Variants in TACR1 observed in about 807,000 individuals in gnomAD.
The protein encoded by TACR1 is tachykinin receptor 1, also known as substance-P receptor.
A neutral mutation model predicts 35.8 loss-of-function variants in TACR1; 25 were observed. The observed-to-expected ratio is 0.70, with a 90% confidence interval of 0.51 to 0.98. The LOEUF (loss-of-function observed/expected upper bound fraction) is 0.98. TACR1 is among the 50% of genes least tolerant of loss of function. TACR1 has a pLI of 0.00. For missense variants in TACR1, 478 were observed against 522.9 expected, an observed-to-expected ratio of 0.91 and a Z score of 0.84; for synonymous variants, 195 against 206.7, an observed-to-expected ratio of 0.94 and a Z score of 0.48.
At chr2:75,179,025 C>A (rs1675497292) in intron 1 of TACR1, among the ~76,000 whole-genome samples, 1 of 152,162 alleles carries the variant, frequency 6.6e-6, no homozygotes, top group South Asian at 2.1e-4. Context: ...CTCTCCTGAA[C>A]TCCAGGTTTA....
chr2:75,091,201 CAAAAAAAAAAAAAAA>C (rs1184236584), intron 2 of TACR1, among the ~76,000 whole-genome samples: 1 of 63,416 alleles, frequency 1.6e-5, no homozygotes, highest in African/African-American at 5.5e-5. Flanking sequence ...CTCGTAGGTG[CAAAAAAAAAAAAAAA>C]AAAAAAAAAA....
At chr2:75,072,275 G>A (rs1190843289) in intron 2 of TACR1, among the ~76,000 whole-genome samples, 2 of 152,176 alleles carry the variant, frequency 1.3e-5, no homozygotes, top group Non-Finnish European at 2.9e-5. Context: ...GGTCAAGGAT[G>A]CAGGACGGGA....
At chr2:75,190,347 C>T (rs142549810) in intron 1 of TACR1, among the ~76,000 whole-genome samples, 7 of 152,276 alleles carry the variant, frequency 4.6e-5, no homozygotes, top group Non-Finnish European at 1.0e-4. Context: ...AAATGATGGA[C>T]TACTGGTAGA....
At chr2:75,080,013 C>T (rs1484643850) in intron 2 of TACR1, among the ~76,000 whole-genome samples, 1 of 152,036 alleles carries the variant, frequency 6.6e-6, no homozygotes. Flanking sequence ...GTTGTTCTGT[C>T]CACAGATCAT....
At chr2:75,076,760 C>A (rs74374572) in intron 2 of TACR1, among the ~76,000 whole-genome samples, 1,834 of 152,252 alleles carry the variant, frequency 0.012, 39 homozygotes, top group African/African-American at 0.043. Flanking sequence ...TACATCTCTT[C>A]CTCATTTCTG....
At chr2:75,053,499 G>C in intron 3 of TACR1, 106 bp downstream of exon 3, 1 of 1,344,526 alleles carries the variant, frequency 7.4e-7, no homozygotes, top group South Asian at 1.9e-5. Context: ...CCCATACCTG[G>C]GGATATTTTG....
intron 2 of TACR1, among the ~76,000 whole-genome samples, chr2:75,101,772 A>T (rs1458869506): frequency 6.6e-6 from 1 of 152,022 alleles, no homozygotes; most frequent in East Asian, 1.9e-4. Flanking sequence ...ATATGGTGAA[A>T]CTTCATCTCT....
intron 1 of TACR1, chr2:75,188,042 C>T (rs897745127): frequency 2.6e-5 from 4 of 152,156 alleles, no homozygotes; most frequent in Non-Finnish European, 5.9e-5. Context: ...GAAGTTTTCT[C>T]TTTTATCTTC....
intron 2 of TACR1, among the ~76,000 whole-genome samples, chr2:75,109,411 C>G (rs911300065): frequency 6.6e-6 from 1 of 152,074 alleles, no homozygotes; most frequent in African/African-American, 2.4e-5. Flanking sequence ...TGAGTAGAGA[C>G]CCCTTTAACT....
intron 1 of TACR1, among the ~76,000 whole-genome samples, chr2:75,175,632 C>A (rs1675393378): frequency 6.6e-6 from 1 of 152,118 alleles, no homozygotes; most frequent in African/African-American, 2.4e-5. Context: ...TTTGACCCTC[C>A]CGCTGACTTT....
intron 1 of TACR1, among the ~76,000 whole-genome samples, chr2:75,123,157 C>T (rs1025123459): frequency 3.3e-5 from 5 of 151,632 alleles, no homozygotes; most frequent in African/African-American, 1.2e-4. Context: ...GATTATTTCC[C>T]AAATGCAGCG....
At chr2:75,158,822 C>G (rs1674930155) in intron 1 of TACR1, among the ~76,000 whole-genome samples, 1 of 152,112 alleles carries the variant, frequency 6.6e-6, no homozygotes, top group Non-Finnish European at 1.5e-5. Flanking sequence ...GGAGTTGGGC[C>G]TCTGTTCCGA....
At chr2:75,141,319 T>G (rs1028510624) in intron 1 of TACR1, among the ~76,000 whole-genome samples, 2 of 152,198 alleles carry the variant, frequency 1.3e-5, no homozygotes, top group African/African-American at 4.8e-5. Context: ...AACTTTTCCC[T>G]ATTCCATTGA....
At chr2:75,091,698 G>C (rs184616573) in intron 2 of TACR1, among the ~76,000 whole-genome samples, 1 of 152,094 alleles carries the variant, frequency 6.6e-6, no homozygotes, top group Non-Finnish European at 1.5e-5. Flanking sequence ...GACAGACCTA[G>C]GCACAACAAA....
At chr2:75,051,039 A>T in intron 4 of TACR1, 3 of 612,030 alleles carry the variant, frequency 4.9e-6, no homozygotes, top group South Asian at 2.1e-5. Context: ...TTCCCTTTGG[A>T]AAAGAAAAAA....
At chr2:75,146,361 G>A (rs1042465932) in intron 1 of TACR1, among the ~76,000 whole-genome samples, 14 of 152,228 alleles carry the variant, frequency 9.2e-5, no homozygotes, top group African/African-American at 3.1e-4. Context: ...GACCTCAGGC[G>A]ATCTGCCAGC....
intron 3 of TACR1, among the ~76,000 whole-genome samples, chr2:75,052,733 C>T (rs186542990): frequency 6.6e-6 from 1 of 152,036 alleles, no homozygotes; most frequent in Admixed American, 6.5e-5. Context: ...AAACAGATAA[C>T]AATGGTTACC....
chr2:75,134,820 G>A (rs1674247962), intron 1 of TACR1, among the ~76,000 whole-genome samples: 1 of 152,120 alleles, frequency 6.6e-6, no homozygotes, highest in Non-Finnish European at 1.5e-5. Flanking sequence ...TTAACTTAAC[G>A]ATCCCTTTCT....
intron 1 of TACR1, among the ~76,000 whole-genome samples, chr2:75,129,107 T>G (rs997027773): frequency 1.3e-5 from 2 of 152,134 alleles, no homozygotes; most frequent in African/African-American, 4.8e-5. Context: ...AGAGAGTAGT[T>G]TGGATTGTAA....
Sources: gnomAD v4.1 joint callset for allele counts (sites outside exome capture counted in the v4.1 genomes callset) on GRCh38, gnomAD v4.1.1 for gene constraint, MANE v1.5 for transcripts, NCBI Gene and HGNC (gene_info 2026-07-23, HGNC 2026-07-21) for gene names.